The following OAF variants were observed in gnomAD, a reference collection of about 807,000 sequenced individuals.
OAF encodes out at first protein homolog.
OAF carries 13 observed loss-of-function variants against 22.5 expected under a neutral mutation model. That is an observed-to-expected ratio of 0.58 (90% CI 0.38 to 0.92). The LOEUF (loss-of-function observed/expected upper bound fraction) is 0.92. Ranked by LOEUF, OAF falls within the 40% of genes least tolerant of loss-of-function variation. The pLI, the probability that OAF is intolerant of heterozygous loss-of-function variation, is 0.00. For synonymous variants in OAF, 175 were observed against 170.5 expected, an observed-to-expected ratio of 1.03 and a Z score of -0.21; for missense variants, 347 against 381.8, an observed-to-expected ratio of 0.91 and a Z score of 0.76.
In OAF at chr11:120,211,102, T is replaced by A; in HGVS notation, c.-178T>A. ...CGCCTCGGGGCCGCCGGGGGCGCCC[T>A]GCTGAGCGCTACCCACGTGCGTCCG... On this transcript the variant is annotated 5_prime_UTR_variant, in exon 1 of 4. Transcript: ENST00000328965. 4.7e-6 allele frequency: 1 copy of A among 214,688 alleles called. No homozygotes were observed. The highest frequency in any genetic ancestry group is 1.2e-4 in the East Asian group (1 of 8,578). 13.3% of individuals were successfully genotyped at this position (214,688 alleles called of 1,614,324 possible). A position where few individuals can be genotyped will look rare whatever the true frequency, so the allele number is the denominator to read the frequency against.
At chr11:120,225,843 G>A in intron 2 of OAF, 48 bp downstream of exon 2, 1 of 1,556,688 alleles carries the variant, frequency 6.4e-7, no homozygotes, top group South Asian at 1.2e-5. Flanking sequence ...ACCCGCAGCA[G>A]ACCCGGCCCA....
chr11:120,226,445 A>G (rs1301091417), intron 2 of OAF, among the ~76,000 whole-genome samples: 1 of 152,156 alleles, frequency 6.6e-6, no homozygotes, highest in Non-Finnish European at 1.5e-5. Context: ...TGCTTTCCCA[A>G]AGGGACTTGG....
chr11:120,222,668 C>T (rs1482982804), intron 1 of OAF, among the ~76,000 whole-genome samples: 1 of 152,184 alleles, frequency 6.6e-6, no homozygotes, highest in Non-Finnish European at 1.5e-5. Flanking sequence ...AATCCCAACA[C>T]TTTGGGAGGC....
At position 120,226,801 on chromosome 11, in the gene OAF, C is replaced by G. The variant is rs1565343718; in HGVS notation, c.367-15C>G. 1 of 1,573,822 alleles carries G rather than the reference C, an allele frequency of 6.4e-7. No individual in the cohort carries two copies. On this transcript the variant is annotated splice_polypyrimidine_tract_variant and intron_variant, in intron 2 of 3. Transcript: ENST00000328965. ...TTCTGAAGCCAGGTAGGAGTGACTT[C>G]TCTCCCACACACAGAAAAATCCCCG...
intron 1 of OAF, among the ~76,000 whole-genome samples, chr11:120,223,355 G>A (rs923480745): frequency 3.3e-5 from 5 of 152,126 alleles, no homozygotes; most frequent in African/African-American, 1.2e-4. Context: ...ATCCAAGCTC[G>A]GTAACAATCA....
intron 1 of OAF, among the ~76,000 whole-genome samples, chr11:120,222,158 G>C (rs1938287493): frequency 6.6e-6 from 1 of 152,172 alleles, no homozygotes; most frequent in South Asian, 2.1e-4. Flanking sequence ...GAAAGCGGGA[G>C]GGACACTGGT....
Position 120,211,487 on chromosome 11 carries a change from T to A in OAF, c.208T>A (p.Ser70Thr). ...GCGCAAGCCCGACGGCACCCTCGTCTCCTTCACCGCCGACTTCAAGAAGGT... is the reference window on the plus strand; with the variant it reads ...GCGCAAGCCCGACGGCACCCTCGTCACCTTCACCGCCGACTTCAAGAAGGT... ...ELRKPDGTLVSFTADFKKDVK... is the reference protein window; with the variant it reads ...ELRKPDGTLVTFTADFKKDVK... Residue 70 changes from serine to threonine, a missense_variant, in exon 1 of 4, where the codon TCC becomes ACC. Physicochemically the swap from Ser to Thr is moderately conservative, Grantham distance 58. Coordinates refer to ENST00000328965, the MANE Select transcript of OAF (RefSeq NM_178507.4). 6.7e-7 allele frequency: 1 copy of A among 1,487,834 alleles called. No homozygotes were observed. Among genetic ancestry groups the A allele is most frequent in the Non-Finnish European group, 9.0e-7 (1 of 1,114,032 alleles). 92.2% of individuals were successfully genotyped at this position (1,487,834 alleles called of 1,614,324 possible).
At chr11:120,223,140 C>T (rs1938304209) in intron 1 of OAF, among the ~76,000 whole-genome samples, 1 of 152,218 alleles carries the variant, frequency 6.6e-6, no homozygotes, top group Non-Finnish European at 1.5e-5. Context: ...TGCTGCTGGC[C>T]AGCTCAGGCA....
In OAF at chr11:120,229,234, C is replaced by A; in HGVS notation, c.*92C>A. The A allele has an allele frequency of 1.7e-6, 2 of 1,151,182 alleles. No individual in the cohort carries two copies. The highest frequency in any genetic ancestry group is 2.5e-6 in the Non-Finnish European group (2 of 798,250). The allele number at this position is 1,151,182 out of a possible 1,614,324, so 71.3% of individuals were successfully genotyped here. A position where few individuals can be genotyped will look rare whatever the true frequency, so the allele number is the denominator to read the frequency against. ...GCAACCCCCACCTGAGGCCTTATTT[C>A]CCTCCCTCCCCACTCCCCTGGCCCT... On this transcript the variant is annotated 3_prime_UTR_variant, in exon 4 of 4. Coordinates refer to ENST00000328965, the MANE Select transcript of OAF (RefSeq NM_178507.4).
Position 120,226,823 on chromosome 11 carries a change from C to G in OAF, c.374C>G (p.Pro125Arg). Reference sequence around the variant, plus strand: ...CTTCTCTCCCACACACAGAAAAATCCCCGGGCAGTGCGGCAGGCGGAGGAG... The same window carrying G: ...CTTCTCTCCCACACACAGAAAAATCGCCGGGCAGTGCGGCAGGCGGAGGAG... Reference protein sequence around the residue: ...EAMAKLRQKNPRAVRQAEEVR... With the variant: ...EAMAKLRQKNRRAVRQAEEVR... Residue 125 changes from proline (P) to arginine (R), a missense_variant, in exon 3 of 4, where the codon CCC becomes CGC. Physicochemically the swap from Pro to Arg is moderately radical, Grantham distance 103 (BLOSUM62 -2). Transcript: ENST00000328965. 3.8e-6 allele frequency: 6 copies of G among 1,595,144 alleles called. No homozygotes were observed. The highest frequency in any genetic ancestry group is 5.1e-6 in the Non-Finnish European group (6 of 1,166,120).
At chr11:120,215,937 G>A (rs1938206249) in intron 1 of OAF, among the ~76,000 whole-genome samples, 1 of 152,190 alleles carries the variant, frequency 6.6e-6, no homozygotes, top group Admixed American at 6.5e-5. Context: ...CAGCATCAGG[G>A]AGGATAGGGA....
In OAF at chr11:120,226,853, G is replaced by C. The variant is rs747441332; in HGVS notation, c.404G>C (p.Arg135Pro). 1 of 1,607,524 alleles carries C rather than the reference G, an allele frequency of 6.2e-7. No homozygotes were observed. The highest frequency in any genetic ancestry group is 1.7e-5 in the Admixed American group (1 of 59,696). ...PRAVRQAEEV[R>P]GLEHLHMDVA... ...GCAGTGCGGCAGGCGGAGGAGGTTC[G>C]GGGTCTGGAGCATCTGCACATGGAT... The change falls in exon 3 of 4, where the codon CGG becomes CCG. Residue 135 changes from arginine to proline, a missense_variant. Physicochemically the swap from Arg to Pro is moderately radical, Grantham distance 103. Transcript: ENST00000328965.
intron 1 of OAF, among the ~76,000 whole-genome samples, chr11:120,218,015 C>T (rs867324475): frequency 3.9e-5 from 6 of 152,308 alleles, no homozygotes; most frequent in South Asian, 2.1e-4. Context: ...CATGGAGACC[C>T]GTCTCAGGAG....
At chr11:120,225,534 C>T in intron 1 of OAF, 127 bp from the exon 2 acceptor site, 3 of 707,796 alleles carry the variant, frequency 4.2e-6, no homozygotes, top group Non-Finnish European at 6.7e-6. Flanking sequence ...CCTAGACCAG[C>T]AGGAGGGAGG....
intron 1 of OAF, chr11:120,214,053 C>T (rs1938182441): frequency 6.6e-6 from 1 of 152,206 alleles, no homozygotes; most frequent in Admixed American, 6.5e-5. Context: ...CCTGGGAAGT[C>T]ACGCTTTTTG....
At chr11:120,226,788 GT>G (rs745463220) in intron 2 of OAF, 27 bp from the exon 3 acceptor site, 1 of 1,563,380 alleles carries the variant, frequency 6.4e-7, no homozygotes. Context: ...CTGAAGCCAG[GT>G]AGGAGTGACT....
At chr11:120,214,571 G>A (rs1247103320) in intron 1 of OAF, among the ~76,000 whole-genome samples, 3 of 152,180 alleles carry the variant, frequency 2.0e-5, no homozygotes, top group Non-Finnish European at 4.4e-5. Flanking sequence ...TGTCCTGACA[G>A]TCCACCCAGG....
chr11:120,223,879 C>G (rs1030456411), intron 1 of OAF, among the ~76,000 whole-genome samples: 1 of 152,208 alleles, frequency 6.6e-6, no homozygotes, highest in African/African-American at 2.4e-5. Flanking sequence ...GGCTCAAGCT[C>G]TAGCAGGGGA....
At position 120,225,447 on chromosome 11, in the gene OAF, G is replaced by A. The variant is rs1483893114; in HGVS notation, c.232-214G>A. 2.6e-5 allele frequency among the ~76,000 whole-genome samples: 4 copies of A among 152,166 alleles called. 1 individual carries two copies. The highest frequency in any genetic ancestry group is 9.7e-5 in the African/African-American group (4 of 41,430). ...AAAACTCTAGTGGTTCACTTTGTCA[G>A]TTTTCCAGGATCTTTGGAACATCTG... On this transcript the variant is annotated intron_variant, in intron 1 of 3. Transcript: ENST00000328965.
Sources: allele counts gnomAD v4.1 joint callset (sites outside exome capture counted in the v4.1 genomes callset), GRCh38; gene constraint gnomAD v4.1.1; transcripts MANE v1.5; gene names NCBI Gene and HGNC (gene_info 2026-07-23, HGNC 2026-07-21).